Variants in IFT172 observed in about 807,000 individuals in gnomAD.
The protein encoded by IFT172 is intraflagellar transport 172, also known as intraflagellar transport protein 172 homolog.
In IFT172, 164 loss-of-function variants were observed where a neutral mutation model predicts 248.9. The observed-to-expected ratio is 0.66, with a 90% confidence interval of 0.58 to 0.75. The LOEUF (loss-of-function observed/expected upper bound fraction) is 0.75, where lower values mean the gene tolerates loss of function less well. Among genes scored for constraint, IFT172 ranks in the 30% least tolerant of loss-of-function variants. The pLI, the probability that IFT172 is intolerant of heterozygous loss-of-function variation, is 0.00. For synonymous variants in IFT172, 729 were observed against 791.6 expected, an observed-to-expected ratio of 0.92 and a Z score of 1.33; for missense variants, 1,950 against 2,192.4, an observed-to-expected ratio of 0.89 and a Z score of 2.21.
chr2:27,473,786 T>C (rs1667764948), intron 14 of IFT172, among the ~76,000 whole-genome samples: 1 of 152,124 alleles, frequency 6.6e-6, no homozygotes, highest in Admixed American at 6.6e-5. Context: ...CCCAAAAAAG[T>C]TAAGAGAAGA....
intron 29 of IFT172, 126 bp from the exon 30 acceptor site, chr2:27,456,779 T>A: frequency 7.3e-7 from 1 of 1,360,812 alleles, no homozygotes; most frequent in Non-Finnish European, 9.9e-7. Context: ...GTGTGGTGGC[T>A]CATACCTATA....
chr2:27,456,663 A>G lies in IFT172; in HGVS notation c.3229-10T>C. 1.2e-6 allele frequency: 2 copies of G among 1,611,972 alleles called. No homozygotes were observed. Among genetic ancestry groups the G allele is most frequent in the East Asian group, 2.2e-5 (1 of 44,876 alleles). On this transcript the variant is annotated splice_polypyrimidine_tract_variant and intron_variant, in intron 29 of 47. Coordinates refer to ENST00000260570, the MANE Select transcript of IFT172 (RefSeq NM_015662.3). ...CTTGAGTTCTGGCCACCTGTAAAGC[A>G]AAGTCACTCAATAATCCTGCAATAC...
At chr2:27,484,314 G>A (rs762200660) in intron 3 of IFT172, 48 bp from the exon 4 acceptor site, 27 of 1,602,952 alleles carry the variant, frequency 1.7e-5, no homozygotes, top group Admixed American at 3.3e-5. Flanking sequence ...CTTCCAGGCC[G>A]GGCGTGGTGG....
intron 23 of IFT172, 68 bp from the exon 24 acceptor site, chr2:27,459,897 G>C (rs1376520048): frequency 1.3e-6 from 2 of 1,587,734 alleles, no homozygotes; most frequent in African/African-American, 2.7e-5. Context: ...AGGTAGGACA[G>C]GGAGATGAAG....
chr2:27,480,253 G>A, intron 8 of IFT172, 104 bp from the exon 9 acceptor site: 6 of 1,426,952 alleles, frequency 4.2e-6, no homozygotes, highest in South Asian at 1.6e-5. Flanking sequence ...AGAAAAGAAA[G>A]GAAATAAAAA....
intron 27 of IFT172, 31 bp downstream of exon 27, chr2:27,458,095 C>T (rs1558374387): frequency 3.1e-6 from 5 of 1,611,594 alleles, no homozygotes; most frequent in Non-Finnish European, 4.2e-6. Flanking sequence ...ATCTCATCTC[C>T]CTCTACACCT....
At chr2:27,463,693 GTC>G (rs1209079582) in intron 18 of IFT172, among the ~76,000 whole-genome samples, 3 of 152,112 alleles carry the variant, frequency 2.0e-5, no homozygotes, top group Admixed American at 1.3e-4. Context: ...GTAGTTGGAG[GTC>G]TCTCTGATGA....
Position 27,445,127 on chromosome 2 carries a change from T to C in IFT172, c.5069-22A>G, listed in dbSNP as rs766439327. 3 of 1,613,398 alleles carry C rather than the reference T, an allele frequency of 1.9e-6. No homozygotes were observed. Among genetic ancestry groups the C allele is most frequent in the Non-Finnish European group, 2.5e-6 (3 of 1,179,748 alleles). ...TATCCTGTGGAGGAAGAAAAAATGA[T>C]GAACTGGGGTTTGAGAGAGATTGAG... On this transcript the variant is annotated intron_variant, in intron 46 of 47. Coordinates refer to ENST00000260570, the MANE Select transcript of IFT172 (RefSeq NM_015662.3). The surrounding 1 kb of genome is among the most constrained non-coding windows in gnomAD (Gnocchi z 4.4).
intron 30 of IFT172, chr2:27,455,562 T>C (rs1288546918): frequency 4.9e-6 from 1 of 205,714 alleles, no homozygotes; most frequent in Non-Finnish European, 9.8e-6. Flanking sequence ...TACAAAAAAA[T>C]TAGCCGGGCG....
chr2:27,476,706 C>T lies in IFT172; in HGVS notation c.1346G>A (p.Cys449Tyr). ...HLISVRINER[C>Y]QRGTEDNKKL... is the part of the protein sequence containing the mutation. ...CTTATTATCTTCTGTTCCTCGCTGA[C>T]ACCTCTCATTAATACGAACACTGAA... is the stretch of plus-strand genomic sequence containing the variant. The change falls in exon 14 of 48, where the codon TGT (cysteine) becomes TAT (tyrosine). Residue 449 changes from cysteine to tyrosine, a missense_variant. Cys to Tyr is a radical substitution (Grantham distance 194). Transcript: ENST00000260570. 6.2e-7 allele frequency: 1 copy of T among 1,612,576 alleles called. No homozygotes were observed. The highest frequency in any genetic ancestry group is 8.5e-7 in the Non-Finnish European group (1 of 1,178,680).
chr2:27,478,665 G>C (rs1219276368), intron 10 of IFT172, among the ~76,000 whole-genome samples: 3 of 152,132 alleles, frequency 2.0e-5, no homozygotes, highest in Non-Finnish European at 4.4e-5. Flanking sequence ...TTGATCAAGG[G>C]ACAATGTCTT....
At chr2:27,465,657 T>C in intron 17 of IFT172, 89 bp downstream of exon 17, 1 of 1,574,644 alleles carries the variant, frequency 6.4e-7, no homozygotes, top group Non-Finnish European at 8.7e-7. Context: ...TCCTTATTAG[T>C]GCTGGCCAGT....
Position 27,459,430 on chromosome 2 carries a change from G to C in IFT172, c.2735C>G (p.Ser912Cys). ...ILDLQDRNTA[S>C]KYYPLVAQHY... ...TTGGGCCACGAGAGGATAGTATTTG[G>C]ATGCAGTGTTCCGGTCCTGTAGATC... The change falls in exon 25 of 48, where the codon TCC becomes TGC. Residue 912 changes from serine (S) to cysteine (C), a missense_variant. Physicochemically the swap from Ser to Cys is moderately radical, Grantham distance 112. This residue lies in a region of IFT172 where 1,166 missense variants were observed against 1,254.1 expected (regional missense o/e 0.93). Coordinates refer to ENST00000260570, the MANE Select transcript of IFT172 (RefSeq NM_015662.3). The C allele has an allele frequency of 6.8e-6, 11 of 1,614,194 alleles. No homozygotes were observed. The highest frequency in any genetic ancestry group is 9.3e-6 in the Non-Finnish European group (11 of 1,180,038).
At chr2:27,480,179 G>A (rs774089213) in intron 8 of IFT172, 30 bp from the exon 9 acceptor site, 1 of 1,604,956 alleles carries the variant, frequency 6.2e-7, no homozygotes, top group East Asian at 2.2e-5. Flanking sequence ...TTTTAGAAGA[G>A]ATTGAGGCTG....
rs1572709896 is a variant in IFT172, at chr2:27,445,876, C to T, written c.4816-33G>A. 6.2e-7 allele frequency: 1 copy of T among 1,614,216 alleles called. No individual in the cohort carries two copies. Among genetic ancestry groups the T allele is most frequent in the Non-Finnish European group, 8.5e-7 (1 of 1,180,034 alleles). ...AGAGTGGGCAACCATGAACTAGGCA[C>T]AGCTCGCGACTGGCAAAAACCTCCA... On this transcript the variant is annotated intron_variant, in intron 44 of 47. Transcript: ENST00000260570. This position sits in a 1 kb window ranked among gnomAD's most constrained non-coding sequence, Gnocchi z 4.4.
chr2:27,446,129 A>G, intron 43 of IFT172, 131 bp downstream of exon 43: 1 of 1,321,804 alleles, frequency 7.6e-7, no homozygotes, highest in South Asian at 1.2e-5. Context: ...ATCCAGGAAG[A>G]CATAGGAGGA....
chr2:27,480,341 C>T (rs1159956744), intron 8 of IFT172, among the ~76,000 whole-genome samples, 192 bp from the exon 9 acceptor site: 1 of 151,942 alleles, frequency 6.6e-6, no homozygotes, highest in Non-Finnish European at 1.5e-5. Flanking sequence ...CAAGGCAAAA[C>T]TAAAACAGAA....
chr2:27,451,812 A>G (rs1665703178), intron 35 of IFT172, among the ~76,000 whole-genome samples: 1 of 151,746 alleles, frequency 6.6e-6, no homozygotes, highest in South Asian at 2.1e-4. Flanking sequence ...AAACCTCAAA[A>G]CCTAAGGGAA....
intron 40 of IFT172, 130 bp downstream of exon 40, chr2:27,448,785 T>A (rs1665399021): frequency 1.5e-6 from 1 of 687,818 alleles, no homozygotes. Flanking sequence ...TGGAGATGCG[T>A]GGGGGGCTCT....
Sources: allele counts gnomAD v4.1 joint callset (sites outside exome capture counted in the v4.1 genomes callset), GRCh38; gene constraint gnomAD v4.1.1; regional missense constraint gnomAD v4.1.1; non-coding constraint Gnocchi (gnomAD v3.1); transcripts MANE v1.5; gene names NCBI Gene and HGNC (gene_info 2026-07-23, HGNC 2026-07-21).